The following CAMK2A variants were observed in gnomAD, a reference collection of about 807,000 sequenced individuals.
CAMK2A encodes the protein calcium/calmodulin-dependent protein kinase type II subunit alpha.
Under a neutral mutation model 79.2 loss-of-function variants are expected in CAMK2A, and 7 were observed. That is an observed-to-expected ratio of 0.09 (90% CI 0.05 to 0.17). The LOEUF is 0.17. Ranked by LOEUF, CAMK2A falls within the 10% of genes least tolerant of loss-of-function variation. The pLI, the probability that CAMK2A is intolerant of heterozygous loss-of-function variation, is 1.00. For missense variants in CAMK2A, 214 were observed against 646.4 expected (o/e 0.33, Z 7.25); for synonymous variants, 242 against 251.7 (o/e 0.96, Z 0.36).
intron 13 of CAMK2A, among the ~76,000 whole-genome samples, chr5:150,243,101 C>T (rs1039381649): frequency 3.3e-5 from 5 of 152,218 alleles, no homozygotes; most frequent in African/African-American, 1.2e-4. Flanking sequence ...CTGGCAGCTT[C>T]TGCCTCCTGG....
chr5:150,282,763 A>C (rs76214112), intron 1 of CAMK2A, among the ~76,000 whole-genome samples: 8,329 of 152,336 alleles, frequency 0.055, 700 homozygotes, highest in African/African-American at 0.18. Context: ...ATTCTTTCAG[A>C]AAAACATCTC....
chr5:150,242,056 C>T (rs1394162531), intron 13 of CAMK2A, among the ~76,000 whole-genome samples: 5 of 152,246 alleles, frequency 3.3e-5, no homozygotes, highest in East Asian at 3.9e-4. Context: ...AGAGAGGTCA[C>T]GATGCACAAT....
chr5:150,231,219 G>A (rs1254623488), intron 16 of CAMK2A, 86 bp downstream of exon 16: 13 of 620,582 alleles, frequency 2.1e-5, no homozygotes, highest in South Asian at 1.5e-4. Context: ...GATGAGGATC[G>A]GAGACAAGGA....
chr5:150,289,940 G>A (rs190154687), upstream of CAMK2A: 8 of 400,684 alleles, frequency 2.0e-5, no homozygotes, highest in East Asian at 4.7e-5. Flanking sequence ...TGACCATACC[G>A]CACACAATAC....
chr5:150,243,651 T>C (rs1165498072), intron 13 of CAMK2A, among the ~76,000 whole-genome samples: 4 of 152,180 alleles, frequency 2.6e-5, no homozygotes, highest in African/African-American at 4.8e-5. Flanking sequence ...ATACATAAAA[T>C]AGAGGAAAGA....
intron 13 of CAMK2A, among the ~76,000 whole-genome samples, chr5:150,240,492 TG>T (rs1402705149): frequency 6.6e-6 from 1 of 152,204 alleles, no homozygotes; most frequent in Admixed American, 6.5e-5. Flanking sequence ...CTTTTGGCCC[TG>T]CCATTCAGCT....
rs1754187152 is a variant in CAMK2A at position 150,219,558 on chromosome 5, CATCCCA to C, written c.*3146_*3151del. 1 of 88,900 alleles carries C rather than the reference CATCCCA, an allele frequency of 1.1e-5. No homozygotes were observed. The allele number at this position is 88,900 out of a possible 1,614,324, so 5.5% of individuals were successfully genotyped here. ...GAATAAAACAAACGCCCCTTCTTCCCATCCCACCCGCCCCCCCCAATAGCAGAAAGT... is the reference window on the plus strand; with the variant it reads ...GAATAAAACAAACGCCCCTTCTTCCCCCCGCCCCCCCCAATAGCAGAAAGT... On this transcript the variant is annotated 3_prime_UTR_variant, in exon 19 of 19. Transcript: ENST00000671881.
Position 150,250,276 on chromosome 5 carries a change from G to C in CAMK2A, c.850C>G (p.Gln284Glu). ...RSTVASCMHR[Q>E]ETVDCLKKFN... ...TTCTTCAGGCAGTCCACGGTCTCCT[G>C]TCTGTGCATGCAGGATGCCACGGTG... The change falls in exon 11 of 19, where the codon CAG (glutamine) becomes GAG (glutamate). Residue 284 changes from glutamine to glutamate, a missense_variant. By Grantham distance (29) the Gln-to-Glu change is conservative (BLOSUM62 2). Transcript: ENST00000671881. The C allele has an allele frequency of 6.2e-7, 1 of 1,614,092 alleles. No individual in the cohort carries two copies.
At chr5:150,245,972 G>A (rs1755551624) in intron 12 of CAMK2A, among the ~76,000 whole-genome samples, 1 of 152,242 alleles carries the variant, frequency 6.6e-6, no homozygotes, top group Non-Finnish European at 1.5e-5. Context: ...CAGGCATCCG[G>A]CTGCTTCAGA....
intron 1 of CAMK2A, among the ~76,000 whole-genome samples, chr5:150,279,779 C>T (rs1016049852): frequency 2.6e-5 from 4 of 152,180 alleles, no homozygotes; most frequent in African/African-American, 9.7e-5. Context: ...ACGGAGAGGG[C>T]ACAGTGACAG....
intron 1 of CAMK2A, among the ~76,000 whole-genome samples, chr5:150,276,315 T>C (rs2150304531): frequency 6.6e-6 from 1 of 152,308 alleles, no homozygotes; most frequent in South Asian, 2.1e-4. Context: ...GGGCCAGGAC[T>C]TTCACTTTCT....
At chr5:150,267,713 C>A (rs1481479687) in intron 2 of CAMK2A, among the ~76,000 whole-genome samples, 1 of 151,982 alleles carries the variant, frequency 6.6e-6, no homozygotes, top group East Asian at 1.9e-4. Context: ...TTTCTTTTGA[C>A]CTCCGAGGCC....
At chr5:150,278,960 G>A (rs1445466795) in intron 1 of CAMK2A, among the ~76,000 whole-genome samples, 2 of 152,160 alleles carry the variant, frequency 1.3e-5, no homozygotes, top group South Asian at 2.1e-4. Context: ...GGCAGACACC[G>A]GAGGAACCAA....
chr5:150,230,121 C>A (rs1316923735), intron 16 of CAMK2A, among the ~76,000 whole-genome samples: 1 of 151,988 alleles, frequency 6.6e-6, no homozygotes, highest in Non-Finnish European at 1.5e-5. Context: ...AGTTCGAGAC[C>A]AGCCTGACCA....
upstream of CAMK2A, chr5:150,289,869 C>T: frequency 1.9e-6 from 1 of 528,124 alleles, no homozygotes; most frequent in South Asian, 2.6e-5. Flanking sequence ...TCCCGTTGCC[C>T]CGGTAACTGC....
intron 15 of CAMK2A, among the ~76,000 whole-genome samples, chr5:150,231,754 C>T (rs1382715136): frequency 6.6e-6 from 1 of 152,170 alleles, no homozygotes; most frequent in African/African-American, 2.4e-5. Flanking sequence ...CTCCCAAATA[C>T]TTATTCCTAC....
At chr5:150,236,985 C>A (rs978567126) in intron 15 of CAMK2A, among the ~76,000 whole-genome samples, 4 of 152,106 alleles carry the variant, frequency 2.6e-5, no homozygotes, top group African/African-American at 9.7e-5. Flanking sequence ...AAACTCCTGG[C>A]CTCAAGCGAT....
intron 13 of CAMK2A, 129 bp downstream of exon 13, chr5:150,245,032 C>T (rs554198437): frequency 3.9e-5 from 35 of 896,826 alleles, no homozygotes; most frequent in Middle Eastern, 6.5e-4. Flanking sequence ...AGCCTGGCCA[C>T]AAATGTGGCC....
intron 12 of CAMK2A, among the ~76,000 whole-genome samples, chr5:150,246,815 C>G (rs745748521): frequency 6.6e-6 from 1 of 152,236 alleles, no homozygotes; most frequent in Non-Finnish European, 1.5e-5. Context: ...GGTGGACCCA[C>G]TCAATGCAGC....
Sources: gnomAD v4.1 joint callset for allele counts (sites outside exome capture counted in the v4.1 genomes callset) on GRCh38, gnomAD v4.1.1 for gene constraint, MANE v1.5 for transcripts, NCBI Gene and HGNC (gene_info 2026-07-23, HGNC 2026-07-21) for gene names.